Variants in MAML2 observed in about 807,000 individuals in gnomAD.
The protein encoded by MAML2 is mastermind-like protein 2.
Under a neutral mutation model 96.1 loss-of-function variants are expected in MAML2, and 22 were observed. The ratio of observed to expected loss-of-function variants is 0.23; its 90% CI spans 0.16 to 0.33. MAML2 has a LOEUF of 0.33. MAML2 is among the 10% of genes least tolerant of loss of function. MAML2 has a pLI of 1.00. For synonymous variants in MAML2, 561 were observed against 521.3 expected, an observed-to-expected ratio of 1.08 and a Z score of -1.04; for missense variants, 1,367 against 1,392.4, an observed-to-expected ratio of 0.98 and a Z score of 0.29.
At chr11:96,247,880 A>T (rs1352924139) in intron 1 of MAML2, among the ~76,000 whole-genome samples, 1 of 152,098 alleles carries the variant, frequency 6.6e-6, no homozygotes, top group Non-Finnish European at 1.5e-5. Flanking sequence ...CCACCAACAC[A>T]TCTGACCACT....
At chr11:96,066,870 G>A (rs1196608283) in intron 2 of MAML2, among the ~76,000 whole-genome samples, 3 of 152,204 alleles carry the variant, frequency 2.0e-5, no homozygotes, top group African/African-American at 7.2e-5. Context: ...AGAGGTGCAG[G>A]GGGAAAGGAA....
At chr11:96,072,469 T>C (rs184995740) in intron 2 of MAML2, among the ~76,000 whole-genome samples, 115 of 152,268 alleles carry the variant, frequency 7.6e-4, no homozygotes, top group African/African-American at 2.7e-3. Flanking sequence ...CTCTTACATA[T>C]ATAAAAAGGG....
intron 2 of MAML2, among the ~76,000 whole-genome samples, chr11:96,033,998 C>A (rs1399991971): frequency 6.6e-6 from 1 of 152,098 alleles, no homozygotes; most frequent in Non-Finnish European, 1.5e-5. Context: ...AAAATCTTTT[C>A]TTTCCTATTA....
At chr11:96,304,814 G>C (rs1252378316) in intron 1 of MAML2, among the ~76,000 whole-genome samples, 2 of 152,152 alleles carry the variant, frequency 1.3e-5, no homozygotes, top group African/African-American at 4.8e-5. Context: ...TCAGGATAAA[G>C]GGACCTTAAA....
chr11:96,121,403 T>C (rs1314323482), intron 1 of MAML2, among the ~76,000 whole-genome samples: 7 of 152,184 alleles, frequency 4.6e-5, no homozygotes, highest in Admixed American at 4.6e-4. Flanking sequence ...GATTCCCCAG[T>C]AACAGGAAGG....
intron 1 of MAML2, among the ~76,000 whole-genome samples, chr11:96,111,647 C>G (rs1351837330): frequency 6.6e-6 from 1 of 152,262 alleles, no homozygotes; most frequent in Non-Finnish European, 1.5e-5. Context: ...TAAGATGCTG[C>G]ATACGCATAA....
rs1018111413 is a variant in MAML2 at position 96,043,519 on chromosome 11, G to A, written c.2139+48373C>T. 3.9e-5 allele frequency among the ~76,000 whole-genome samples: 6 copies of A among 152,310 alleles called. No individual in the cohort carries two copies. The South Asian group carries it at 8.3e-4, about 21-fold the overall frequency. ...GAAACCTGGTCTCCCCATATAAAGG[G>A]AAAGGATTCTGGAACTTATGCTGCA... On this transcript the variant is annotated intron_variant, in intron 2 of 4. Coordinates refer to ENST00000524717, the MANE Select transcript of MAML2 (RefSeq NM_032427.4).
At chr11:96,252,980 C>T (rs958954860) in intron 1 of MAML2, among the ~76,000 whole-genome samples, 6 of 152,152 alleles carry the variant, frequency 3.9e-5, no homozygotes, top group African/African-American at 1.4e-4. Context: ...ACAAAACAGC[C>T]TCCCACTATA....
chr11:96,085,919 A>C (rs1859602746), intron 2 of MAML2, among the ~76,000 whole-genome samples: 1 of 152,230 alleles, frequency 6.6e-6, no homozygotes, highest in South Asian at 2.1e-4. Context: ...CTAGGATAAC[A>C]AAATAAAATA....
intron 1 of MAML2, among the ~76,000 whole-genome samples, chr11:96,135,528 G>A (rs868470116): frequency 2.2e-5 from 3 of 139,236 alleles, no homozygotes; most frequent in African/African-American, 7.9e-5. Flanking sequence ...TGGCAGAAGA[G>A]AGGTCCCAAT....
At chr11:96,087,139 T>C (rs1221324444) in intron 2 of MAML2, among the ~76,000 whole-genome samples, 1 of 152,196 alleles carries the variant, frequency 6.6e-6, no homozygotes, top group African/African-American at 2.4e-5. Flanking sequence ...ATAGCTACCA[T>C]TTGAGTTATT....
At chr11:95,991,454 G>A in intron 3 of MAML2, 66 bp downstream of exon 3, 1 of 1,463,302 alleles carries the variant, frequency 6.8e-7, no homozygotes, top group Non-Finnish European at 9.6e-7. Flanking sequence ...AATATAAATG[G>A]AAAAGAATAA....
chr11:96,333,057 A>T (rs1220285413), intron 1 of MAML2, among the ~76,000 whole-genome samples: 3 of 152,192 alleles, frequency 2.0e-5, no homozygotes, highest in Non-Finnish European at 4.4e-5. Flanking sequence ...GAGCTACCTG[A>T]AAAGAACTCT....
intron 2 of MAML2, among the ~76,000 whole-genome samples, chr11:96,045,019 GA>G (rs1274088492): frequency 6.6e-6 from 1 of 151,040 alleles, no homozygotes; most frequent in Non-Finnish European, 1.5e-5. Flanking sequence ...GCACTTGGTT[GA>G]AAAAGCAAGT....
intron 1 of MAML2, among the ~76,000 whole-genome samples, chr11:96,234,151 A>G (rs1466814120): frequency 6.6e-6 from 1 of 152,184 alleles, no homozygotes; most frequent in African/African-American, 2.4e-5. Flanking sequence ...TCTAACTCCA[A>G]TATACCTTGA....
At chr11:96,134,747 C>A (rs1860600450) in intron 1 of MAML2, among the ~76,000 whole-genome samples, 1 of 152,172 alleles carries the variant, frequency 6.6e-6, no homozygotes, top group Non-Finnish European at 1.5e-5. Context: ...GCTTTTATTT[C>A]CTCAAGCTAA....
chr11:96,322,549 G>A (rs1341962935), intron 1 of MAML2, among the ~76,000 whole-genome samples: 1 of 152,018 alleles, frequency 6.6e-6, no homozygotes, highest in African/African-American at 2.4e-5. Context: ...AATATTAGCC[G>A]GGCGTAGTGG....
At chr11:96,282,630 A>G (rs570452961) in intron 1 of MAML2, among the ~76,000 whole-genome samples, 1 of 152,368 alleles carries the variant, frequency 6.6e-6, no homozygotes, top group South Asian at 2.1e-4. Flanking sequence ...TGCACAGGAA[A>G]AAGTGAGGTT....
chr11:96,340,678 C>T (rs1327106172), intron 1 of MAML2, among the ~76,000 whole-genome samples: 1 of 152,158 alleles, frequency 6.6e-6, no homozygotes, highest in Non-Finnish European at 1.5e-5. Flanking sequence ...TTAACGAATG[C>T]TCTAAGGGAG....
Sources: allele counts gnomAD v4.1 joint callset (sites outside exome capture counted in the v4.1 genomes callset), GRCh38; gene constraint gnomAD v4.1.1; transcripts MANE v1.5; gene names NCBI Gene and HGNC (gene_info 2026-07-23, HGNC 2026-07-21).